Variants in MTMR10 observed in about 807,000 individuals in gnomAD.
MTMR10 encodes the protein myotubularin-related protein 10.
MTMR10 carries 56 observed loss-of-function variants against 88.1 expected under a neutral mutation model. That is an observed-to-expected ratio of 0.64 (90% CI 0.51 to 0.79). The LOEUF (loss-of-function observed/expected upper bound fraction) is 0.79. Ranked by LOEUF, MTMR10 falls within the 30% of genes least tolerant of loss-of-function variation. The probability of loss-of-function intolerance (pLI) is 0.00; values close to 1 mark genes in which losing one functional copy is unlikely to be tolerated. For synonymous variants in MTMR10, 380 were observed against 340.9 expected (o/e 1.11, Z -1.26); for missense variants, 883 against 924.7 (o/e 0.95, Z 0.58).
chr15:30,938,589 G>T (rs937957499), downstream of MTMR10, among the ~76,000 whole-genome samples: 6 of 152,194 alleles, frequency 3.9e-5, no homozygotes, highest in Non-Finnish European at 8.8e-5. Context: ...CTGGGCAAGG[G>T]GGTGTGGTAG....
rs753197126 is a variant in MTMR10 at position 30,939,942 on chromosome 15, A to G, written c.*1528T>C. 15 of 984,950 alleles carry G rather than the reference A, an allele frequency of 1.5e-5. No homozygotes were observed. Among genetic ancestry groups the G allele is most frequent in the Non-Finnish European group, 1.7e-5 (14 of 829,576 alleles). 61.0% of individuals were successfully genotyped at this position (984,950 alleles called of 1,614,324 possible). On this transcript the variant is annotated 3_prime_UTR_variant, in exon 16 of 16. Transcript: ENST00000435680. ...AAGTGAATTTCTTAAGATATTTTTT[A>G]AGAACTCCTGTCCTGTTATATCCAG... is the stretch of plus-strand genomic sequence containing the variant.
At position 30,967,971 on chromosome 15, in the gene MTMR10, G is replaced by A; in HGVS notation, c.514C>T (p.Leu172Phe). ...AIAHYSQPTD[L>F]QLLFAFEYVG... Reference sequence around the variant, plus strand: ...TATTCAAATGCAAAGAGTAGCTGGAGGTCTGTTGGCTGGGAATAATGAGCT... The same window carrying A: ...TATTCAAATGCAAAGAGTAGCTGGAAGTCTGTTGGCTGGGAATAATGAGCT... Residue 172 changes from leucine to phenylalanine, a missense_variant, in exon 6 of 16, where the codon CTC (leucine) becomes TTC (phenylalanine). This residue lies in a region of MTMR10 where 414 missense variants were observed against 423.2 expected (regional missense o/e 0.98). Transcript: ENST00000435680. 6.4e-7 allele frequency: 1 copy of A among 1,574,704 alleles called. No homozygotes were observed. The highest frequency in any genetic ancestry group is 8.6e-7 in the Non-Finnish European group (1 of 1,158,818).
intron 11 of MTMR10, among the ~76,000 whole-genome samples, chr15:30,952,796 A>ATTTTTT (rs901715930): frequency 6.8e-6 from 1 of 147,802 alleles, no homozygotes. Context: ...CACTTTGTAA[A>ATTTTTT]TTTTTTTTTT....
At chr15:30,951,846 G>C in intron 12 of MTMR10, 122 bp downstream of exon 12, 1 of 802,184 alleles carries the variant, frequency 1.2e-6, no homozygotes, top group Non-Finnish European at 2.1e-6. Flanking sequence ...TAATGTATTT[G>C]ATGGTACTGT....
the MTMR10 span, chr15:30,926,412 G>T: frequency 5.7e-6 from 1 of 174,080 alleles, no homozygotes; most frequent in Non-Finnish European, 1.1e-5. Flanking sequence ...CTGTGCCCGG[G>T]CTGCAGGGTT....
Position 30,990,832 on chromosome 15 carries a change from G to A in MTMR10, c.66C>T (p.Asp22=), listed in dbSNP as rs1267945969. The change falls in exon 2 of 16, where the codon GAC becomes GAT. Residue 22 remains aspartate, a synonymous_variant. Coordinates refer to ENST00000435680, the MANE Select transcript of MTMR10 (RefSeq NM_017762.3). ...RSYLLPPPQT[D]DKINSEPKIK... is the part of the protein sequence containing the mutation. Reference sequence around the variant, plus strand: ...TCTTCGGTTCCGAATTGATCTTATCGTCAGTCTGAAATACATTAGCAAAAT... The same window carrying A: ...TCTTCGGTTCCGAATTGATCTTATCATCAGTCTGAAATACATTAGCAAAAT... 2.3e-5 allele frequency: 37 copies of A among 1,602,654 alleles called. No individual in the cohort carries two copies. The highest frequency in any genetic ancestry group is 2.8e-5 in the Non-Finnish European group (33 of 1,174,090).
chr15:30,952,222 G>A (rs903733616), intron 11 of MTMR10, among the ~76,000 whole-genome samples, 184 bp from the exon 12 acceptor site: 3 of 152,176 alleles, frequency 2.0e-5, no homozygotes, highest in African/African-American at 7.2e-5. Flanking sequence ...AGACTGTGTG[G>A]CTGACTGGCA....
chr15:30,954,113 C>T (rs1034147692), intron 10 of MTMR10, among the ~76,000 whole-genome samples: 3 of 152,222 alleles, frequency 2.0e-5, no homozygotes, highest in Non-Finnish European at 4.4e-5. Context: ...CACTGCCCTG[C>T]CCAGAGTGCA....
intron 1 of MTMR10, chr15:30,991,228 G>C (rs2031301236): frequency 2.0e-6 from 1 of 495,876 alleles, no homozygotes; most frequent in East Asian, 3.5e-5. Flanking sequence ...ACAGAACTTC[G>C]GGCAGAGAAT....
chr15:30,932,398 G>A, the MTMR10 span, among the ~76,000 whole-genome samples: 2 of 151,960 alleles, frequency 1.3e-5, no homozygotes, highest in Non-Finnish European at 2.9e-5. Context: ...ATATTGAGCT[G>A]TACTTTTCTT....
chr15:30,944,458 C>T (rs184523290), intron 14 of MTMR10, among the ~76,000 whole-genome samples: 236 of 150,556 alleles, frequency 1.6e-3, no homozygotes, highest in Non-Finnish European at 2.3e-3. Context: ...CCCAGCTACT[C>T]GGGAGGCTGT....
chr15:30,977,168 CA>C (rs2030215509), intron 2 of MTMR10, among the ~76,000 whole-genome samples: 1 of 152,142 alleles, frequency 6.6e-6, no homozygotes. Flanking sequence ...AAAAATAGCT[CA>C]GGGGTCTGAG....
At chr15:30,920,708 G>A in the MTMR10 span, 7 of 1,013,786 alleles carry the variant, frequency 6.9e-6, no homozygotes, top group Admixed American at 2.1e-5. Flanking sequence ...CGTTAAACAT[G>A]TGAAGGGACA....
chr15:30,933,219 A>G, the MTMR10 span, among the ~76,000 whole-genome samples: 113 of 152,202 alleles, frequency 7.4e-4, 1 homozygote, highest in Admixed American at 3.0e-3. Flanking sequence ...GGTGGAAGCT[A>G]TGGTGATTGC....
downstream of MTMR10, chr15:30,937,310 T>C: frequency 2.0e-6 from 3 of 1,522,954 alleles, no homozygotes; most frequent in Non-Finnish European, 1.8e-6. Context: ...TTTTCAAGAG[T>C]ATAAAACATG....
chr15:30,922,367 A>G, the MTMR10 span: 2 of 1,585,786 alleles, frequency 1.3e-6, no homozygotes, highest in East Asian at 4.5e-5. Context: ...ACTCAGTAAC[A>G]AAACATATCT....
intron 6 of MTMR10, chr15:30,965,979 C>T (rs756531780): frequency 6.2e-5 from 28 of 452,930 alleles, no homozygotes; most frequent in South Asian, 1.1e-4. Flanking sequence ...TTAATGAATT[C>T]TGACTGCAGT....
the MTMR10 span, among the ~76,000 whole-genome samples, chr15:30,930,022 A>G: frequency 7.3e-6 from 1 of 137,756 alleles, no homozygotes; most frequent in Non-Finnish European, 1.5e-5. Flanking sequence ...AAAATATATA[A>G]TAATATATAT....
chr15:30,942,656 T>C (rs2063092836), intron 15 of MTMR10: 1 of 486,480 alleles, frequency 2.1e-6, no homozygotes, highest in Non-Finnish European at 3.6e-6. Flanking sequence ...AAATCAGGCT[T>C]GCAGGCTCAA....
Sources: allele counts gnomAD v4.1 joint callset (sites outside exome capture counted in the v4.1 genomes callset), GRCh38; gene constraint gnomAD v4.1.1; regional missense constraint gnomAD v4.1.1; transcripts MANE v1.5; gene names NCBI Gene and HGNC (gene_info 2026-07-23, HGNC 2026-07-21).